The following GPA33 variants were observed in gnomAD, a reference collection of about 807,000 sequenced individuals.
GPA33 encodes cell surface A33 antigen.
A neutral mutation model predicts 35.6 loss-of-function variants in GPA33; 27 were observed. That is an observed-to-expected ratio of 0.76 (90% CI 0.56 to 1.04). The LOEUF (loss-of-function observed/expected upper bound fraction) is 1.04. Ranked by LOEUF, GPA33 falls within the 50% of genes least tolerant of loss-of-function variation. The pLI, the probability that GPA33 is intolerant of heterozygous loss-of-function variation, is 0.00. For missense variants in GPA33, 428 were observed against 411.9 expected, an observed-to-expected ratio of 1.04 and a Z score of -0.34; for synonymous variants, 176 against 164.0, an observed-to-expected ratio of 1.07 and a Z score of -0.56.
chr1:167,077,280 C>T (rs1237169385), intron 1 of GPA33, among the ~76,000 whole-genome samples: 1 of 152,110 alleles, frequency 6.6e-6, no homozygotes, highest in African/African-American at 2.4e-5. Context: ...AGGTTACTTG[C>T]TTCAATGGAG....
rs775602869 is a variant in GPA33, at chr1:167,054,389, C to T, written c.905G>A (p.Arg302Lys). The T allele has an allele frequency of 6.2e-7, 1 of 1,614,160 alleles. No homozygotes were observed. The highest frequency in any genetic ancestry group is 1.1e-5 in the South Asian group (1 of 91,086). Residue 302 changes from arginine to lysine, a missense_variant, in exon 7 of 7, where the codon AGG becomes AAG. Transcript: ENST00000367868. Reference sequence around the variant, plus strand: ...CCCAGTGCTCCTCTGCTCTTCTTGCCTGTAGTCATCCTCCTCCTCCCTCTC... The same window carrying T: ...CCCAGTGCTCCTCTGCTCTTCTTGCTTGTAGTCATCCTCCTCCTCCCTCTC... ...SREREEEDDY[R>K]QEEQRSTGRE...
chr1:167,083,623 T>A (rs977613081), intron 1 of GPA33, among the ~76,000 whole-genome samples: 1 of 152,074 alleles, frequency 6.6e-6, no homozygotes, highest in African/African-American at 2.4e-5. Flanking sequence ...AAAACCACCA[T>A]AGTAACGAGT....
intron 2 of GPA33, 81 bp downstream of exon 2, chr1:167,073,304 C>T (rs1389135240): frequency 1.0e-5 from 12 of 1,198,868 alleles, no homozygotes; most frequent in Admixed American, 5.4e-5. Flanking sequence ...TATGGAAAGA[C>T]TTCATAGTGC....
Position 167,073,503 on chromosome 1 carries a change from G to A in GPA33, c.80C>T (p.Pro27Leu), listed in dbSNP as rs187104315. 3.5e-5 allele frequency: 56 copies of A among 1,613,818 alleles called. No homozygotes were observed. Among genetic ancestry groups the A allele is most frequent in the East Asian group, 2.7e-4 (12 of 44,872 alleles). ...VTVDAISVET[P>L]QDVLRASQGK... Reference sequence around the variant, plus strand: ...CTGCGAAGCCCGAAGAACGTCCTGCGGAGTTTCCACAGAGATGGCATCGAC... The same window carrying A: ...CTGCGAAGCCCGAAGAACGTCCTGCAGAGTTTCCACAGAGATGGCATCGAC... The change falls in exon 2 of 7, where the codon CCG (proline) becomes CTG (leucine). Residue 27 changes from proline (P) to leucine (L), a missense_variant. Coordinates refer to ENST00000367868, the MANE Select transcript of GPA33 (RefSeq NM_005814.3).
chr1:167,078,191 C>T (rs996362981), intron 1 of GPA33, among the ~76,000 whole-genome samples: 6 of 152,198 alleles, frequency 3.9e-5, no homozygotes, highest in African/African-American at 1.4e-4. Flanking sequence ...TTCAGTCAAC[C>T]AACAAGTATT....
intron 1 of GPA33, among the ~76,000 whole-genome samples, chr1:167,084,107 T>A (rs890472493): frequency 1.3e-5 from 2 of 152,120 alleles, no homozygotes; most frequent in African/African-American, 4.8e-5. Flanking sequence ...TGACAACGAT[T>A]TGAGTCTTTA....
chr1:167,063,362 T>C (rs978001841), intron 4 of GPA33, among the ~76,000 whole-genome samples: 1 of 152,162 alleles, frequency 6.6e-6, no homozygotes, highest in African/African-American at 2.4e-5. Flanking sequence ...TGAGCTGAGA[T>C]CGTGCCAACT....
chr1:167,062,908 GC>G (rs1224947441), intron 4 of GPA33, among the ~76,000 whole-genome samples: 1 of 152,094 alleles, frequency 6.6e-6, no homozygotes, highest in African/African-American at 2.4e-5. Flanking sequence ...TTTGCGTGGA[GC>G]CCCCGAGTTA....
intron 6 of GPA33, 117 bp from the exon 7 acceptor site, chr1:167,054,583 G>C: frequency 4.0e-6 from 5 of 1,257,876 alleles, no homozygotes; most frequent in Non-Finnish European, 5.6e-6. Context: ...CCACCCACCA[G>C]CTGCAGAGGA....
chr1:167,059,328 A>T (rs1038226028), intron 4 of GPA33, among the ~76,000 whole-genome samples: 2 of 152,074 alleles, frequency 1.3e-5, no homozygotes, highest in Non-Finnish European at 2.9e-5. Flanking sequence ...TGCAGTGGCG[A>T]CACCTTGTGG....
intron 4 of GPA33, among the ~76,000 whole-genome samples, chr1:167,056,647 TAGTGTGTGTGGTAC>T (rs1666274092): frequency 1.9e-3 from 2 of 1,034 alleles, no homozygotes; most frequent in Non-Finnish European, 1.9e-3. Flanking sequence ...GTGGTGTGTG[TAGTGTGTGTGGTAC>T]GGTGAGTGTG....
chr1:167,066,653 G>T (rs946143070), intron 3 of GPA33, among the ~76,000 whole-genome samples: 1 of 152,236 alleles, frequency 6.6e-6, no homozygotes, highest in African/African-American at 2.4e-5. Flanking sequence ...ACCTCCGGGG[G>T]ACTCGGTATA....
rs1216468472 is a variant in GPA33 at position 167,068,917 on chromosome 1, C to T, written c.415+5G>A. 1.2e-6 allele frequency: 2 copies of T among 1,609,148 alleles called. No individual in the cohort carries two copies. The highest frequency in any genetic ancestry group is 4.5e-5 in the East Asian group (2 of 44,874). Reference sequence around the variant, plus strand: ...ACAACTCCTGAAAGACATGAAGACACTCACCGAGGACCAACAGGCGGACAC... The same window carrying T: ...ACAACTCCTGAAAGACATGAAGACATTCACCGAGGACCAACAGGCGGACAC... On this transcript the variant is annotated splice_donor_5th_base_variant and intron_variant, in intron 3 of 6. Transcript: ENST00000367868.
At position 167,073,487 on chromosome 1, in the gene GPA33, C is replaced by T. The variant is rs1435158149; in HGVS notation, c.96G>A (p.Arg32=). 1.9e-6 allele frequency: 3 copies of T among 1,613,686 alleles called. No individual in the cohort carries two copies. Among genetic ancestry groups the T allele is most frequent in the Non-Finnish European group, 8.5e-7 (1 of 1,179,628 alleles). Residue 32 remains arginine, a synonymous_variant, in exon 2 of 7, where the codon CGG becomes CGA. Coordinates refer to ENST00000367868, the MANE Select transcript of GPA33 (RefSeq NM_005814.3). The stretch of plus-strand genomic sequence containing the variant: ...GGGTGACACTCTTTCCCTGCGAAGC[C>T]CGAAGAACGTCCTGCGGAGTTTCCA... ...ISVETPQDVL[R]ASQGKSVTLP... is the part of the protein sequence containing the mutation.
At chr1:167,082,514 A>G (rs1257697841) in intron 1 of GPA33, among the ~76,000 whole-genome samples, 1 of 152,124 alleles carries the variant, frequency 6.6e-6, no homozygotes, top group East Asian at 1.9e-4. Flanking sequence ...GTGGGTTTGT[A>G]GGTTATAGGG....
intron 1 of GPA33, among the ~76,000 whole-genome samples, chr1:167,087,524 CTGGGATGGCAGTGGAGTGTTAGG>C (rs1294758800): frequency 1.3e-5 from 2 of 152,182 alleles, no homozygotes; most frequent in African/African-American, 2.4e-5. Context: ...CTTTGGTCCC[CTGGGATGGCAGTGGAGTGTTAGG>C]AGGGACGGGT....
chr1:167,070,826 G>A (rs1666703470), intron 2 of GPA33, among the ~76,000 whole-genome samples: 2 of 152,228 alleles, frequency 1.3e-5, no homozygotes, highest in Non-Finnish European at 2.9e-5. Context: ...ATGAAGCCAG[G>A]AGAAGATCCG....
At position 167,090,234 on chromosome 1, in the gene GPA33, G is replaced by A. The variant is rs1285661397; in HGVS notation, c.43+11C>T. ...ACCCCTGGGCACTGGAGAGAAAAGG[G>A]GCCTACTCACCTGCACAGAGTGTCC... is the stretch of plus-strand genomic sequence containing the variant. On this transcript the variant is annotated intron_variant, in intron 1 of 6. Coordinates refer to ENST00000367868, the MANE Select transcript of GPA33 (RefSeq NM_005814.3). The A allele has an allele frequency of 3.1e-6, 5 of 1,606,060 alleles. No homozygotes were observed. The South Asian group carries it at 5.5e-5, about 18-fold the overall frequency.
chr1:167,064,886 A>G (rs1031837063), intron 3 of GPA33, among the ~76,000 whole-genome samples: 5 of 152,138 alleles, frequency 3.3e-5, no homozygotes, highest in African/African-American at 1.2e-4. Flanking sequence ...TGCAGGGTGA[A>G]GGATGAGGAC....
Sources: allele counts gnomAD v4.1 joint callset (sites outside exome capture counted in the v4.1 genomes callset), GRCh38; gene constraint gnomAD v4.1.1; transcripts MANE v1.5; gene names NCBI Gene and HGNC (gene_info 2026-07-23, HGNC 2026-07-21).